PDE4C: variants seen among roughly 807,000 people sequenced by gnomAD.
PDE4C encodes 3',5'-cyclic-AMP phosphodiesterase 4C.
Under a neutral mutation model 63.9 loss-of-function variants are expected in PDE4C, and 50 were observed. The observed-to-expected ratio is 0.78, with a 90% confidence interval of 0.62 to 0.99. PDE4C has a LOEUF of 0.99. Among genes scored for constraint, PDE4C ranks in the 50% least tolerant of loss-of-function variants. The pLI is 0.00. For synonymous variants in PDE4C, 377 were observed against 385.1 expected (o/e 0.98, Z 0.25); for missense variants, 777 against 899.1 (o/e 0.86, Z 1.74).
chr19:18,230,708 T>C (rs1968830479), upstream of PDE4C, among the ~76,000 whole-genome samples: 1 of 152,092 alleles, frequency 6.6e-6, no homozygotes, highest in South Asian at 2.1e-4. Context: ...AGCTTAAATG[T>C]CACTTCTCCC....
upstream of PDE4C, chr19:18,249,904 C>T: frequency 2.6e-6 from 1 of 383,974 alleles, no homozygotes; most frequent in Non-Finnish European, 4.6e-6. Context: ...CTGTCCCTGC[C>T]TTGAGTCTGT....
chr19:18,236,702 T>C (rs1968957230), upstream of PDE4C, among the ~76,000 whole-genome samples: 1 of 152,198 alleles, frequency 6.6e-6, no homozygotes, highest in Admixed American at 6.5e-5. Context: ...TCCTTGTGCA[T>C]GGCTGTGTGC....
chr19:18,245,538 G>A (rs11672986), intron 1 of PDE4C, among the ~76,000 whole-genome samples: 92,070 of 152,040 alleles, frequency 0.61, 28,070 homozygotes, highest in Middle Eastern at 0.71. Context: ...CCCTTCCCCC[G>A]GCTGTTAAAA....
rs373091669 is a variant in PDE4C, at chr19:18,220,323, G to A, written c.613-4C>T. 23 of 1,613,974 alleles carry A rather than the reference G, an allele frequency of 1.4e-5. No homozygotes were observed. Among genetic ancestry groups the A allele is most frequent in the Non-Finnish European group, 1.9e-5 (22 of 1,179,972 alleles). ...CCCGGTTCAGGATCCGCTTGAACTGGGGCGGAGAGAAGGTGAAGACCGTGA... is the reference window on the plus strand; with the variant it reads ...CCCGGTTCAGGATCCGCTTGAACTGAGGCGGAGAGAAGGTGAAGACCGTGA... On this transcript the variant is annotated splice_polypyrimidine_tract_variant and splice_region_variant and intron_variant, in intron 6 of 14. Transcript: ENST00000262805. The surrounding 1 kb of genome is among the most constrained non-coding windows in gnomAD (Gnocchi z 5.1).
intron 14 of PDE4C, among the ~76,000 whole-genome samples, chr19:18,211,557 T>C (rs1030981643): frequency 4.6e-5 from 7 of 152,212 alleles, no homozygotes; most frequent in Admixed American, 1.3e-4. Context: ...CTAGAACAGA[T>C]GTTTCCAAAC....
upstream of PDE4C, among the ~76,000 whole-genome samples, chr19:18,251,561 A>T (rs1969229276): frequency 6.6e-6 from 1 of 151,070 alleles, no homozygotes; most frequent in Non-Finnish European, 1.5e-5. Flanking sequence ...CAGCCTCCCG[A>T]GTTGCTGAGA....
intron 1 of PDE4C, among the ~76,000 whole-genome samples, chr19:18,242,714 G>T (rs1969063380): frequency 6.6e-6 from 1 of 151,388 alleles, no homozygotes; most frequent in Non-Finnish European, 1.5e-5. Context: ...GAACCAGGGA[G>T]GTGGAGGTTT....
intron 1 of PDE4C, among the ~76,000 whole-genome samples, chr19:18,244,693 G>A (rs528360176): frequency 6.6e-6 from 1 of 152,018 alleles, no homozygotes; most frequent in South Asian, 2.1e-4. Flanking sequence ...TGTATTGTTA[G>A]TAGAGACGGG....
exon 13 of PDE4C, chr19:18,213,390 T>A (rs1266514698): frequency 1.2e-6 from 2 of 1,613,830 alleles, no homozygotes; most frequent in Admixed American, 3.3e-5. Context: ...GGAATAGTTG[T>A]CCAGGAGGAG....
exon 2 of PDE4C, chr19:18,222,257 C>T (rs1259916747): frequency 6.2e-7 from 1 of 1,614,066 alleles, no homozygotes; most frequent in South Asian, 1.1e-5. Context: ...TAATCCGGCC[C>T]AGGCCAGGGC....
upstream of PDE4C, among the ~76,000 whole-genome samples, chr19:18,229,465 T>C (rs761859817): frequency 6.6e-6 from 1 of 152,132 alleles, no homozygotes; most frequent in Admixed American, 6.5e-5. Flanking sequence ...GGTCTTGAAC[T>C]CCTGACCTCA....
chr19:18,228,346 G>A (rs1480993963), upstream of PDE4C, among the ~76,000 whole-genome samples: 1 of 152,044 alleles, frequency 6.6e-6, no homozygotes, highest in Non-Finnish European at 1.5e-5. Context: ...TCAGCCAACA[G>A]CAGTGAAGGG....
chr19:18,250,451 C>T (rs573076351), upstream of PDE4C: 19 of 399,124 alleles, frequency 4.8e-5, no homozygotes, highest in South Asian at 2.5e-4. Flanking sequence ...GTGTAACTCA[C>T]GGGGCCCAGT....
chr19:18,231,843 C>T (rs931055973), intron 1 of PDE4C, among the ~76,000 whole-genome samples: 7 of 152,108 alleles, frequency 4.6e-5, no homozygotes, highest in Non-Finnish European at 1.0e-4. Flanking sequence ...CTATGAGTCT[C>T]TTCTGTCTCT....
upstream of PDE4C, among the ~76,000 whole-genome samples, chr19:18,249,666 C>G (rs1056017663): frequency 6.6e-6 from 1 of 150,708 alleles, no homozygotes; most frequent in African/African-American, 2.4e-5. Context: ...CTCCGCCTCC[C>G]TGGTTCAAGC....
At chr19:18,208,502 G>T (rs1163352220), downstream of PDE4C, 1 of 49,294 alleles carries the variant, frequency 2.0e-5, no homozygotes, top group African/African-American at 8.3e-5. Context: ...AGCGCGCCCC[G>T]CCGTGTCTCC....
chr19:18,219,474 C>T, intron 7 of PDE4C, 77 bp from the exon 8 acceptor site: 1 of 1,474,686 alleles, frequency 6.8e-7, no homozygotes, highest in Non-Finnish European at 9.1e-7. Flanking sequence ...TGAATTTTGC[C>T]AAACCCCAGA....
upstream of PDE4C, chr19:18,249,922 C>G (rs550007907): frequency 1.3e-5 from 5 of 389,860 alleles, no homozygotes; most frequent in Non-Finnish European, 2.3e-5. Context: ...TGTGGATCCC[C>G]TGAAAGTAAA....
In PDE4C at chr19:18,214,700, A is replaced by C. The variant is rs368239496; in HGVS notation, c.1390-1210T>G. On this transcript the variant is annotated intron_variant, in intron 12 of 14. Transcript: ENST00000262805. ...GCCGTGGCTCACACCTGTAATCCCAACACTTTGGGAGGCAGAGGTGGGTGG... is the reference window on the plus strand; with the variant it reads ...GCCGTGGCTCACACCTGTAATCCCACCACTTTGGGAGGCAGAGGTGGGTGG... Among the ~76,000 whole-genome samples, 83 of 151,932 alleles carry C rather than the reference A, an allele frequency of 5.5e-4. 1 individual carries two copies. The East Asian group carries it at 0.013, about 24-fold the overall frequency.
Sources: allele counts gnomAD v4.1 joint callset (sites outside exome capture counted in the v4.1 genomes callset), GRCh38; gene constraint gnomAD v4.1.1; non-coding constraint Gnocchi (gnomAD v3.1); transcripts MANE v1.5; gene names NCBI Gene and HGNC (gene_info 2026-07-23, HGNC 2026-07-21).